The following PIR variants were observed in gnomAD, a reference collection of about 807,000 sequenced individuals.
PIR encodes the protein pirin, also known as pirin (iron-binding nuclear protein).
A neutral mutation model predicts 24.2 loss-of-function variants in PIR; 22 were observed. That is an observed-to-expected ratio of 0.91 (90% confidence interval 0.65 to 1.30). The LOEUF is 1.30. Ranked by LOEUF, PIR falls within the 50% of genes most tolerant of loss-of-function variation. PIR has a pLI of 0.00. For missense variants in PIR, 220 were observed against 220.3 expected, an observed-to-expected ratio of 1.00 and a Z score of 0.01; for synonymous variants, 80 against 79.6, an observed-to-expected ratio of 1.00 and a Z score of -0.03.
intron 5 of PIR, among the ~76,000 whole-genome samples, chrX:15,451,400 G>GAA (rs75275359): frequency 1.0e-5 from 1 of 97,094 alleles, no homozygotes; most frequent in Non-Finnish European, 2.1e-5. Context: ...CACATTTAAA[G>GAA]AAAAAAAAAA....
At chrX:15,407,978 G>A (rs1246923584) in intron 6 of PIR, among the ~76,000 whole-genome samples, 5 of 43,158 alleles carry the variant, frequency 1.2e-4, no homozygotes, top group Admixed American at 8.9e-4. Flanking sequence ...CTAGAAATAT[G>A]CTTTTTTTTT....
intron 6 of PIR, among the ~76,000 whole-genome samples, chrX:15,416,266 C>A (rs1924912147): frequency 9.0e-6 from 1 of 111,487 alleles, no homozygotes; most frequent in African/African-American, 3.3e-5. Context: ...GAGAGCTCTG[C>A]AAAAAAATTA....
chrX:15,426,117 T>C, intron 5 of PIR, 127 bp from the exon 6 acceptor site: 1 of 445,499 alleles, frequency 2.2e-6, no homozygotes. Context: ...TAGGGAAGTG[T>C]TAAAGCCGAG....
At chrX:15,490,396 C>T (rs1472272179) in intron 2 of PIR, among the ~76,000 whole-genome samples, 1 of 111,593 alleles carries the variant, frequency 9.0e-6, no homozygotes, top group Non-Finnish European at 1.9e-5. Flanking sequence ...AAACCAGTCT[C>T]ACTTTTCAAA....
chrX:15,486,849 A>C (rs1257354063), intron 2 of PIR, among the ~76,000 whole-genome samples: 1 of 112,491 alleles, frequency 8.9e-6, no homozygotes, highest in African/African-American at 3.2e-5. Context: ...GGCACTTTAC[A>C]AAAGAGAAAC....
intron 3 of PIR, among the ~76,000 whole-genome samples, chrX:15,469,433 C>T (rs946002936): frequency 1.8e-5 from 2 of 111,672 alleles, no homozygotes; most frequent in African/African-American, 3.3e-5. Context: ...GTGGTCATTG[C>T]TTCCATACCT....
chrX:15,426,918 C>T (rs1423610930), intron 5 of PIR, among the ~76,000 whole-genome samples: 4 of 111,476 alleles, frequency 3.6e-5, no homozygotes, highest in African/African-American at 1.3e-4. Flanking sequence ...TAAAGACAGG[C>T]ACAAGTACCT....
At chrX:15,486,543 T>G (rs1325619390) in intron 2 of PIR, among the ~76,000 whole-genome samples, 3 of 111,582 alleles carry the variant, frequency 2.7e-5, no homozygotes. Flanking sequence ...TTTAGGTCCA[T>G]GGCATCTCTT....
At chrX:15,419,774 T>C (rs1372763459) in intron 6 of PIR, among the ~76,000 whole-genome samples, 1 of 108,404 alleles carries the variant, frequency 9.2e-6, no homozygotes, top group Admixed American at 1.0e-4. Context: ...TGGGTGCCTG[T>C]AATCCCAGCT....
intron 3 of PIR, chrX:15,464,371 C>A: frequency 2.7e-6 from 2 of 743,885 alleles, no homozygotes; most frequent in Non-Finnish European, 3.2e-6. Flanking sequence ...ACAATGGAAA[C>A]AACTTTTTTG....
intron 5 of PIR, among the ~76,000 whole-genome samples, chrX:15,433,980 A>G (rs1476451618): frequency 3.1e-4 from 12 of 38,556 alleles, no homozygotes; most frequent in Non-Finnish European, 4.3e-4. Context: ...GAGGAAGGAG[A>G]AAGCAGGAGG....
intron 3 of PIR, chrX:15,464,330 G>A: frequency 1.7e-6 from 1 of 588,143 alleles, no homozygotes; most frequent in African/African-American, 2.5e-5. Context: ...CTGACAGTTT[G>A]AATTTTCTGT....
intron 5 of PIR, among the ~76,000 whole-genome samples, chrX:15,431,770 C>A (rs967848508): frequency 1.9e-5 from 2 of 104,276 alleles, no homozygotes; most frequent in Non-Finnish European, 3.9e-5. Context: ...AGTATAAATA[C>A]CATTATCTCA....
chrX:15,418,454 A>G (rs1924998651), intron 6 of PIR, among the ~76,000 whole-genome samples: 2 of 112,533 alleles, frequency 1.8e-5, no homozygotes, highest in Non-Finnish European at 3.7e-5. Flanking sequence ...AGTCACCATT[A>G]AAAAACTACT....
intron 4 of PIR, 94 bp downstream of exon 4, chrX:15,459,563 T>C: frequency 1.9e-6 from 1 of 516,847 alleles, no homozygotes; most frequent in Admixed American, 2.5e-5. Flanking sequence ...ATAGAGAGAG[T>C]GTGGAAAGGG....
At chrX:15,444,005 G>C (rs1373860062) in intron 5 of PIR, among the ~76,000 whole-genome samples, 1 of 112,713 alleles carries the variant, frequency 8.9e-6, no homozygotes, top group Admixed American at 9.4e-5. Flanking sequence ...GACAATAAAA[G>C]TTTTAAAATA....
intron 5 of PIR, among the ~76,000 whole-genome samples, chrX:15,426,853 A>G (rs1925333782): frequency 8.9e-6 from 1 of 111,956 alleles, no homozygotes; most frequent in Admixed American, 9.5e-5. Context: ...AGACGAATAT[A>G]TGCATAATCT....
At chrX:15,435,967 T>C (rs1925737629) in intron 5 of PIR, among the ~76,000 whole-genome samples, 1 of 112,453 alleles carries the variant, frequency 8.9e-6, no homozygotes, top group Non-Finnish European at 1.9e-5. Context: ...ATGGGAAAGA[T>C]TAGTTTCCAT....
chrX:15,462,660 A>G (rs1921357870), intron 3 of PIR, among the ~76,000 whole-genome samples: 1 of 112,478 alleles, frequency 8.9e-6, no homozygotes, highest in African/African-American at 3.2e-5. Flanking sequence ...AAGTAGACCT[A>G]AATAGTCTTT....
Sources: allele counts gnomAD v4.1 joint callset (sites outside exome capture counted in the v4.1 genomes callset), GRCh38; gene constraint gnomAD v4.1.1; transcripts MANE v1.5; gene names NCBI Gene and HGNC (gene_info 2026-07-23, HGNC 2026-07-21).